AFF2: variants seen among roughly 807,000 people sequenced by gnomAD.
AFF2 encodes ALF transcription elongation factor 2, also known as AF4/FMR2 family member 2.
In AFF2, 14 loss-of-function variants were observed where a neutral mutation model predicts 76.9. That is an observed-to-expected ratio of 0.18 (90% CI 0.12 to 0.28). The LOEUF is 0.28. Among genes scored for constraint, AFF2 ranks in the 10% least tolerant of loss-of-function variants. The pLI, the probability that AFF2 is intolerant of heterozygous loss-of-function variation, is 1.00. For synonymous variants in AFF2, 398 were observed against 366.7 expected, an observed-to-expected ratio of 1.09 and a Z score of -0.98; for missense variants, 868 against 1,001.1, an observed-to-expected ratio of 0.87 and a Z score of 1.79.
chrX:148,805,494 T>G (rs187681708), intron 3 of AFF2, among the ~76,000 whole-genome samples: 2 of 111,724 alleles, frequency 1.8e-5, no homozygotes, highest in East Asian at 5.7e-4. Flanking sequence ...ATGTTTTCTA[T>G]TAGTGATGGC....
chrX:148,817,025 T>C (rs1557272203), intron 4 of AFF2, among the ~76,000 whole-genome samples: 1 of 109,024 alleles, frequency 9.2e-6, no homozygotes, highest in African/African-American at 3.3e-5. Context: ...ACCAACATAG[T>C]GGCATGAATT....
At chrX:148,672,214 T>G in intron 3 of AFF2, among the ~76,000 whole-genome samples, 1 of 112,533 alleles carries the variant, frequency 8.9e-6, no homozygotes, top group East Asian at 2.8e-4. Context: ...AAATAATCTC[T>G]AATTAACCAT....
chrX:148,766,228 A>G (rs372603119), intron 3 of AFF2, among the ~76,000 whole-genome samples: 18 of 109,694 alleles, frequency 1.6e-4, no homozygotes, highest in South Asian at 4.0e-4. Context: ...CCAGTAATGG[A>G]ATGGCTGGGT....
At position 148,897,881 on chromosome X, in the gene AFF2, A is replaced by T. The variant is rs782294285; in HGVS notation, c.1360-6340A>T. On this transcript the variant is annotated intron_variant, in intron 8 of 20. Transcript: ENST00000370460. The stretch of plus-strand genomic sequence containing the variant: ...CATTGGGCCTCCTGACTGGGAAAAA[A>T]TAAACACCTCAATGCAATACTGAAG... Among the ~76,000 whole-genome samples the T allele has an allele frequency of 1.9e-4, 21 of 111,578 alleles. No individual in the cohort carries two copies. The South Asian group carries it at 4.2e-3, about 22-fold the overall frequency.
rs191063339 is a variant in AFF2 at position 148,508,564 on chromosome X, A to G, written c.47+7420A>G. 4.5e-5 allele frequency among the ~76,000 whole-genome samples: 5 copies of G among 111,882 alleles called. No individual in the cohort carries two copies. In the Admixed American group the frequency reaches 4.7e-4, roughly 11 times the overall value. ...GTTATAAGGTCATTTTAACCTGTAG[A>G]CTACGGCAATATGTACATGACAACC... On this transcript the variant is annotated intron_variant, in intron 1 of 20. Transcript: ENST00000370460.
At chrX:148,737,611 C>T (rs1277969370) in intron 3 of AFF2, among the ~76,000 whole-genome samples, 2 of 111,640 alleles carry the variant, frequency 1.8e-5, no homozygotes, top group Non-Finnish European at 3.8e-5. Flanking sequence ...CACTCTATTT[C>T]TTTCTCTTGT....
rs2053061673 is a variant in AFF2 at position 148,557,211 on chromosome X, CATTT to C, written c.47+56073_47+56076del. The stretch of plus-strand genomic sequence containing the variant: ...TCATAGTGTTGCTTCTAAGAGTCAG[CATTT>C]ATTTAAATGTTAAATGTCTGGTAGT... On this transcript the variant is annotated intron_variant, in intron 1 of 20. Transcript: ENST00000370460. 3.6e-5 allele frequency among the ~76,000 whole-genome samples: 4 copies of C among 111,832 alleles called. No homozygotes were observed. In the Admixed American group the frequency reaches 3.8e-4, roughly 11 times the overall value.
chrX:148,580,335 C>CT (rs2053340221), intron 1 of AFF2, among the ~76,000 whole-genome samples: 1 of 111,272 alleles, frequency 9.0e-6, no homozygotes, highest in South Asian at 3.8e-4. Context: ...GCCCATCCAC[C>CT]TTTTGTAAAA....
intron 7 of AFF2, among the ~76,000 whole-genome samples, chrX:148,862,557 C>G (rs1344188358): frequency 9.0e-6 from 1 of 111,608 alleles, no homozygotes; most frequent in Non-Finnish European, 1.9e-5. Flanking sequence ...TAATCCAGAG[C>G]TGATACAGTC....
chrX:148,773,448 C>T (rs1247307937), intron 3 of AFF2, among the ~76,000 whole-genome samples: 1 of 110,361 alleles, frequency 9.1e-6, no homozygotes, highest in Non-Finnish European at 1.9e-5. Context: ...TAACTAGCCT[C>T]TTAAAACCAG....
chrX:148,745,669 G>A (rs782124554), intron 3 of AFF2, among the ~76,000 whole-genome samples: 1 of 111,571 alleles, frequency 9.0e-6, no homozygotes, highest in Non-Finnish European at 1.9e-5. Context: ...AGCCTGCAGT[G>A]CCTATTACAA....
chrX:148,799,017 C>G (rs1373491865), intron 3 of AFF2, among the ~76,000 whole-genome samples: 1 of 111,829 alleles, frequency 8.9e-6, no homozygotes, highest in Non-Finnish European at 1.9e-5. Flanking sequence ...TTGGGGCCAT[C>G]TCTCCAGCTA....
At chrX:148,891,108 C>A (rs1405888749) in intron 8 of AFF2, among the ~76,000 whole-genome samples, 1 of 111,454 alleles carries the variant, frequency 9.0e-6, no homozygotes. Flanking sequence ...CCATGAAACA[C>A]TTATTGAATT....
In AFF2 at chrX:148,962,778, C is replaced by G; in HGVS notation, c.2754C>G (p.Ser918=). ...AAAAACTATTTCCTCCTCCACTTTCCCCACTGCCAGAGGACCCTCCACGCC... is the reference window on the plus strand; with the variant it reads ...AAAAACTATTTCCTCCTCCACTTTCGCCACTGCCAGAGGACCCTCCACGCC... ...KEEKLFPPPL[S]PLPEDPPRRR... The change falls in exon 13 of 21, where the codon TCC becomes TCG. Residue 918 remains serine (S), a synonymous_variant. Coordinates refer to ENST00000370460, the MANE Select transcript of AFF2 (RefSeq NM_002025.4). 8.3e-7 allele frequency: 1 copy of G among 1,210,956 alleles called. No individual in the cohort carries two copies.
chrX:148,565,424 A>T (rs2053158258), intron 1 of AFF2, among the ~76,000 whole-genome samples: 1 of 111,518 alleles, frequency 9.0e-6, no homozygotes, highest in African/African-American at 3.3e-5. Flanking sequence ...TTCCTGCAAC[A>T]CAGAGCTAGA....
intron 1 of AFF2, among the ~76,000 whole-genome samples, chrX:148,598,609 A>G (rs890592576): frequency 2.7e-5 from 3 of 111,663 alleles, no homozygotes; most frequent in African/African-American, 9.8e-5. Context: ...TCTAGGAACA[A>G]TAACGGTGTT....
chrX:148,847,174 C>T (rs1557274837), intron 7 of AFF2, among the ~76,000 whole-genome samples: 1 of 112,227 alleles, frequency 8.9e-6, no homozygotes, highest in African/African-American at 3.2e-5. Context: ...TAAATCTTGC[C>T]ACTTACCTGT....
At chrX:148,793,113 A>G (rs1345478957) in intron 3 of AFF2, among the ~76,000 whole-genome samples, 1 of 111,569 alleles carries the variant, frequency 9.0e-6, no homozygotes, top group East Asian at 2.8e-4. Context: ...GAACATGGCT[A>G]TGACCTCCTA....
chrX:148,637,453 T>C (rs1437897694), intron 1 of AFF2, among the ~76,000 whole-genome samples: 1 of 112,200 alleles, frequency 8.9e-6, no homozygotes, highest in Non-Finnish European at 1.9e-5. Flanking sequence ...GGCACAGCAC[T>C]GAAACCAATA....
Sources: gnomAD v4.1 joint callset for allele counts (sites outside exome capture counted in the v4.1 genomes callset) on GRCh38, gnomAD v4.1.1 for gene constraint, MANE v1.5 for transcripts, NCBI Gene and HGNC (gene_info 2026-07-23, HGNC 2026-07-21) for gene names.